FAM222B: variants seen among roughly 807,000 people sequenced by gnomAD.
FAM222B encodes the protein family with sequence similarity 222 member B.
FAM222B carries 12 observed loss-of-function variants against 38.0 expected under a neutral mutation model. The observed-to-expected ratio is 0.32, with a 90% CI of 0.20 to 0.51. The LOEUF (loss-of-function observed/expected upper bound fraction) is 0.51. FAM222B is among the 20% of genes least tolerant of loss of function. The probability of loss-of-function intolerance (pLI) is 0.97; values close to 1 mark genes in which losing one functional copy is unlikely to be tolerated. For synonymous variants in FAM222B, 329 were observed against 317.2 expected, an observed-to-expected ratio of 1.04 and a Z score of -0.40; for missense variants, 716 against 754.2, an observed-to-expected ratio of 0.95 and a Z score of 0.59.
At position 28,822,931 on chromosome 17, in the gene FAM222B, G is replaced by A. The variant is rs187815753; in HGVS notation, c.-41+19751C>T. On this transcript the variant is annotated intron_variant, in intron 1 of 2. Transcript: ENST00000581407. ...GAATTAGCCAGGCGTGCTTCCATGC[G>A]CAGGTAGTCCCAGCTACTCAGGAGG... Among the ~76,000 whole-genome samples the A allele has an allele frequency of 8.2e-4, 109 of 133,658 alleles. 1 individual carries two copies. The Middle Eastern group carries it at 0.024, about 29-fold the overall frequency. 87.7% of individuals were successfully genotyped at this position (133,658 alleles called of 152,430 possible).
In FAM222B at chr17:28,822,864, T is replaced by TACAC. The variant is rs1555585795; in HGVS notation, c.-41+19814_-41+19817dup. Among the ~76,000 whole-genome samples, 8 of 80,008 alleles carry TACAC rather than the reference T, an allele frequency of 1.0e-4. No homozygotes were observed. The South Asian group carries it at 1.8e-3, about 18-fold the overall frequency. 52.5% of individuals were successfully genotyped at this position (80,008 alleles called of 152,430 possible). A position where few individuals can be genotyped will look rare whatever the true frequency, so the allele number is the denominator to read the frequency against. Reference sequence around the variant, plus strand: ...ATATATATATATATATATATATATATACACACATATATATATATACACACA... The same window carrying TACAC: ...ATATATATATATATATATATATATATACACACACACATATATATATATACACACA... On this transcript the variant is annotated intron_variant, in intron 1 of 2. Transcript: ENST00000581407.
Position 28,759,011 on chromosome 17 carries a change from G to A in FAM222B, c.948C>T (p.Pro316=), listed in dbSNP as rs758880501. The A allele has an allele frequency of 1.2e-6, 2 of 1,612,966 alleles. No homozygotes were observed. Among genetic ancestry groups the A allele is most frequent in the South Asian group, 1.1e-5 (1 of 90,872 alleles). ...TGACCACACATGAAGGCATTGGTGT[G>A]GGGACGCTGTGGGTCGACACCCGGG... The part of the protein sequence containing the change: ...ASTRVSTHSV[P]TPMPSCVVNP... Residue 316 remains proline (P), a synonymous_variant, in exon 3 of 3, where the codon CCC becomes CCT. Coordinates refer to ENST00000581407, the MANE Select transcript of FAM222B (RefSeq NM_001077498.3). The surrounding 1 kb of genome is among the most constrained non-coding windows in gnomAD (Gnocchi z 4.8).
chr17:28,836,041 G>A (rs2038836255), intron 1 of FAM222B, among the ~76,000 whole-genome samples: 1 of 151,612 alleles, frequency 6.6e-6, no homozygotes, highest in African/African-American at 2.4e-5. Context: ...CCGGGCTGGA[G>A]TGCAGTGGCA....
chr17:28,831,482 T>A (rs572560382), intron 1 of FAM222B, among the ~76,000 whole-genome samples: 1 of 151,882 alleles, frequency 6.6e-6, no homozygotes, highest in East Asian at 1.9e-4. Context: ...CCATATAAAT[T>A]TTAGAATTAG....
At chr17:28,828,209 C>T (rs2038513230) in intron 1 of FAM222B, among the ~76,000 whole-genome samples, 1 of 140,438 alleles carries the variant, frequency 7.1e-6, no homozygotes, top group Admixed American at 7.8e-5. Flanking sequence ...CTCCCGGGTT[C>T]AAGCAATTCT....
At chr17:28,835,024 TTGTGTGTGTGTGTGTGTGTGTG>T (rs61229770) in intron 1 of FAM222B, among the ~76,000 whole-genome samples, 10 of 132,010 alleles carry the variant, frequency 7.6e-5, no homozygotes, top group African/African-American at 2.6e-4. Flanking sequence ...TCAGCTAATT[TTGTGTGTGTGTGTGTGTGTGTG>T]TGTGTGTGTG....
chr17:28,852,332 G>A (rs1376713929), intron 1 of FAM222B, among the ~76,000 whole-genome samples: 1 of 151,820 alleles, frequency 6.6e-6, no homozygotes, highest in African/African-American at 2.4e-5. Flanking sequence ...CTCCAGCCTG[G>A]GCGACAGAGC....
intron 1 of FAM222B, among the ~76,000 whole-genome samples, chr17:28,806,648 A>AT (rs1216899947): frequency 6.6e-6 from 1 of 152,066 alleles, no homozygotes; most frequent in Non-Finnish European, 1.5e-5. Context: ...TAACAACTTT[A>AT]TTTTTTCTTT....
chr17:28,788,075 C>T (rs369178453), intron 1 of FAM222B, among the ~76,000 whole-genome samples: 4 of 152,144 alleles, frequency 2.6e-5, no homozygotes, highest in Admixed American at 6.6e-5. Flanking sequence ...CCGCCCGCCT[C>T]GGCCTCCCAA....
intron 1 of FAM222B, among the ~76,000 whole-genome samples, chr17:28,829,301 G>A (rs1031783768): frequency 2.7e-5 from 4 of 150,586 alleles, no homozygotes; most frequent in Non-Finnish European, 5.9e-5. Flanking sequence ...CGCAACCTCC[G>A]CCTCCCGGGT....
At chr17:28,817,006 AT>A (rs1441589135) in intron 1 of FAM222B, among the ~76,000 whole-genome samples, 1 of 152,326 alleles carries the variant, frequency 6.6e-6, no homozygotes, top group East Asian at 1.9e-4. Context: ...TATGTACTGT[AT>A]TCCTGTATGC....
At chr17:28,827,933 G>GT (rs1402819934) in intron 1 of FAM222B, among the ~76,000 whole-genome samples, 4 of 151,904 alleles carry the variant, frequency 2.6e-5, no homozygotes, top group Admixed American at 6.6e-5. Flanking sequence ...GGAGGCTACT[G>GT]TAACTGTCAG....
At chr17:28,812,087 G>A (rs2037796930) in intron 1 of FAM222B, 1 of 152,206 alleles carries the variant, frequency 6.6e-6, no homozygotes, top group Non-Finnish European at 1.5e-5. Flanking sequence ...ATGAAGGGTA[G>A]AAACAGATAA....
chr17:28,834,360 C>T (rs2038767361), intron 1 of FAM222B: 1 of 151,490 alleles, frequency 6.6e-6, no homozygotes, highest in Non-Finnish European at 1.5e-5. Context: ...TTACTAAGGT[C>T]ATCCATAACT....
At chr17:28,828,885 C>T (rs1379839236) in intron 1 of FAM222B, among the ~76,000 whole-genome samples, 1 of 151,614 alleles carries the variant, frequency 6.6e-6, no homozygotes, top group Non-Finnish European at 1.5e-5. Context: ...CATACTACCT[C>T]TTTGCAGTCA....
intron 1 of FAM222B, among the ~76,000 whole-genome samples, chr17:28,829,579 G>C (rs1327602574): frequency 6.6e-6 from 1 of 152,130 alleles, no homozygotes; most frequent in Non-Finnish European, 1.5e-5. Context: ...ACAGACCATA[G>C]CCTTTTGAGT....
At chr17:28,806,793 G>A (rs1453825091) in intron 1 of FAM222B, among the ~76,000 whole-genome samples, 1 of 151,990 alleles carries the variant, frequency 6.6e-6, no homozygotes, top group Non-Finnish European at 1.5e-5. Context: ...TTTCAAATAG[G>A]GTTCCTGAAA....
At position 28,758,409 on chromosome 17, in the gene FAM222B, A is replaced by C. The variant is rs2034825109; in HGVS notation, c.1550T>G (p.Leu517Arg). 6.2e-7 allele frequency: 1 copy of C among 1,613,674 alleles called. No individual in the cohort carries two copies. Among genetic ancestry groups the C allele is most frequent in the Non-Finnish European group, 8.5e-7 (1 of 1,179,810 alleles). The change falls in exon 3 of 3, where the codon CTA becomes CGA. Residue 517 changes from leucine (L) to arginine (R), a missense_variant. By Grantham distance (102) the Leu-to-Arg change is moderately radical (BLOSUM62 -2). Coordinates refer to ENST00000581407, the MANE Select transcript of FAM222B (RefSeq NM_001077498.3). ...QNSLMQTVDY[L>R]SGDFQQACFR... ...GCAGGCCTGTTGGAAATCCCCACTT[A>C]GGTAATCCACTGTTTGCATCAAGCT...
At chr17:28,834,525 C>CT (rs1037028792) in intron 1 of FAM222B, among the ~76,000 whole-genome samples, 51 of 151,878 alleles carry the variant, frequency 3.4e-4, no homozygotes, top group South Asian at 1.2e-3. Context: ...TTTTCCAATC[C>CT]TTTTTTTTGC....
Sources: gnomAD v4.1 joint callset for allele counts (sites outside exome capture counted in the v4.1 genomes callset) on GRCh38, gnomAD v4.1.1 for gene constraint, Gnocchi (gnomAD v3.1) non-coding constraint, MANE v1.5 for transcripts, NCBI Gene and HGNC (gene_info 2026-07-23, HGNC 2026-07-21) for gene names.